Variants in DLG2 observed in about 807,000 individuals in gnomAD.
DLG2 encodes the protein disks large homolog 2.
Under a neutral mutation model 132.5 loss-of-function variants are expected in DLG2, and 45 were observed. The ratio of observed to expected loss-of-function variants is 0.34; its 90% CI spans 0.27 to 0.44. The LOEUF is 0.44. DLG2 is among the 20% of genes least tolerant of loss of function. The pLI, the probability that DLG2 is intolerant of heterozygous loss-of-function variation, is 1.00. For synonymous variants in DLG2, 424 were observed against 419.6 expected (o/e 1.01, Z -0.13); for missense variants, 1,045 against 1,196.9 (o/e 0.87, Z 1.87).
chr11:84,959,021 C>T (rs975093644), intron 6 of DLG2, among the ~76,000 whole-genome samples: 2 of 152,176 alleles, frequency 1.3e-5, no homozygotes, highest in Non-Finnish European at 2.9e-5. Flanking sequence ...TACAGGTAGG[C>T]ACCTGCTTAT....
chr11:83,708,142 A>G (rs1435540220), intron 18 of DLG2, among the ~76,000 whole-genome samples: 5 of 152,190 alleles, frequency 3.3e-5, no homozygotes, highest in Admixed American at 6.5e-5. Flanking sequence ...TATTATGATA[A>G]TTGTTGGAAA....
chr11:84,154,038 C>A (rs758854196), intron 9 of DLG2, among the ~76,000 whole-genome samples: 8 of 152,126 alleles, frequency 5.3e-5, no homozygotes, highest in Non-Finnish European at 1.2e-4. Flanking sequence ...TGCTCTGTCA[C>A]CCAGGCTGGA....
chr11:85,496,634 C>T lies in DLG2; in HGVS notation c.40+102023G>A, dbSNP rs565844399. On this transcript the variant is annotated intron_variant, in intron 3 of 27. Coordinates refer to ENST00000376104, the MANE Select transcript of DLG2 (RefSeq NM_001142699.3). ...TGCTTCCTCAAGTGGGTCCCTGATC[C>T]CCATGTAGCCTGACTGGGAGACACC... Among the ~76,000 whole-genome samples, 261 of 152,258 alleles carry T rather than the reference C, an allele frequency of 1.7e-3. 1 individual carries two copies. The highest frequency in any genetic ancestry group is 6.1e-3 in the African/African-American group (253 of 41,552).
chr11:84,952,475 C>A (rs1432675063), intron 6 of DLG2, among the ~76,000 whole-genome samples: 1 of 151,972 alleles, frequency 6.6e-6, no homozygotes, highest in Non-Finnish European at 1.5e-5. Flanking sequence ...GGAGATCGCG[C>A]CACAGCACTC....
At chr11:84,335,091 T>C (rs2098477497) in intron 7 of DLG2, among the ~76,000 whole-genome samples, 1 of 144,642 alleles carries the variant, frequency 6.9e-6, no homozygotes, top group Non-Finnish European at 1.5e-5. Context: ...CTAAGTCAAA[T>C]CCTTATATTT....
intron 16 of DLG2, among the ~76,000 whole-genome samples, chr11:83,844,718 G>A (rs1252093170): frequency 2.6e-5 from 4 of 152,176 alleles, no homozygotes; most frequent in Admixed American, 6.5e-5. Context: ...GATCTCCAGA[G>A]CTGTGAGGTC....
At chr11:84,192,301 A>C (rs1364826185) in intron 8 of DLG2, among the ~76,000 whole-genome samples, 1 of 152,232 alleles carries the variant, frequency 6.6e-6, no homozygotes, top group African/African-American at 2.4e-5. Context: ...GGGTTTGCTA[A>C]GTAACAGCGA....
intron 6 of DLG2, among the ~76,000 whole-genome samples, chr11:84,539,374 A>C (rs908038244): frequency 6.6e-5 from 10 of 152,206 alleles, no homozygotes; most frequent in African/African-American, 2.4e-4. Flanking sequence ...ACTAAGAATC[A>C]ACCCTAACAT....
Position 85,418,326 on chromosome 11 carries a change from A to G in DLG2, c.41-132961T>C, listed in dbSNP as rs367579173. Among the ~76,000 whole-genome samples, 216 of 152,058 alleles carry G rather than the reference A, an allele frequency of 1.4e-3. 1 individual carries two copies. Among genetic ancestry groups the G allele is most frequent in the African/African-American group, 5.2e-3 (216 of 41,534 alleles). On this transcript the variant is annotated intron_variant, in intron 3 of 27. Transcript: ENST00000376104. ...TGAGAGACTGTTTATTATGATTTCC[A>G]TTCTTTTGCATTTGCTTAGGAGTGT... is the stretch of plus-strand genomic sequence containing the variant.
At chr11:83,837,333 G>A (rs764508050) in intron 16 of DLG2, among the ~76,000 whole-genome samples, 1 of 152,126 alleles carries the variant, frequency 6.6e-6, no homozygotes, top group Non-Finnish European at 1.5e-5. Flanking sequence ...GTGGAGTATC[G>A]ACTAGCATCA....
intron 19 of DLG2, among the ~76,000 whole-genome samples, chr11:83,596,803 A>AT (rs1001972257): frequency 1.3e-4 from 13 of 103,494 alleles, no homozygotes; most frequent in African/African-American, 4.6e-4. Flanking sequence ...CCTGCTTATC[A>AT]TTTTTTCTTT....
At chr11:84,503,959 A>G (rs1473149374) in intron 7 of DLG2, among the ~76,000 whole-genome samples, 1 of 152,178 alleles carries the variant, frequency 6.6e-6, no homozygotes, top group Non-Finnish European at 1.5e-5. Context: ...ACTCTGATGA[A>G]TTGGAGTGTG....
chr11:84,751,390 G>C (rs937872300), intron 6 of DLG2, among the ~76,000 whole-genome samples: 2 of 152,020 alleles, frequency 1.3e-5, no homozygotes, highest in Non-Finnish European at 2.9e-5. Flanking sequence ...GCAGCAAGAA[G>C]GTGACAGTGA....
intron 8 of DLG2, among the ~76,000 whole-genome samples, chr11:84,228,585 G>A (rs1175328262): frequency 1.3e-5 from 2 of 152,170 alleles, no homozygotes; most frequent in African/African-American, 2.4e-5. Context: ...ATTCGGATGT[G>A]ATATGATACA....
At chr11:84,524,797 T>C (rs2099315023) in intron 7 of DLG2, among the ~76,000 whole-genome samples, 1 of 151,964 alleles carries the variant, frequency 6.6e-6, no homozygotes, top group Admixed American at 6.6e-5. Flanking sequence ...TATTTTCAGT[T>C]GCTGGTCAGG....
At chr11:84,050,519 T>C (rs909824442) in intron 11 of DLG2, among the ~76,000 whole-genome samples, 1 of 152,024 alleles carries the variant, frequency 6.6e-6, no homozygotes, top group African/African-American at 2.4e-5. Context: ...GCTCTTTAGT[T>C]TAATGAGATC....
In DLG2 at chr11:83,775,721, C is replaced by CTT. The variant is rs11388016; in HGVS notation, c.1825+10967_1825+10968dup. On this transcript the variant is annotated intron_variant, in intron 18 of 27. Coordinates refer to ENST00000376104, the MANE Select transcript of DLG2 (RefSeq NM_001142699.3). ...ATAAAATAAGTTCATTGTCATTATT[C>CTT]TTTTTTTTTTTTTCAATTTGGTCTA... Among the ~76,000 whole-genome samples the CTT allele has an allele frequency of 3.4e-3, 485 of 143,696 alleles. 3 individuals carry two copies. Among genetic ancestry groups the CTT allele is most frequent in the East Asian group, 0.014 (69 of 4,958 alleles). The allele number at this position is 143,696 out of a possible 152,430, so 94.3% of individuals were successfully genotyped here. A position where few individuals can be genotyped will look rare whatever the true frequency, so the allele number is the denominator to read the frequency against.
chr11:84,049,167 T>C (rs34658258), intron 11 of DLG2, among the ~76,000 whole-genome samples: 3,423 of 151,798 alleles, frequency 0.023, 70 homozygotes, highest in Middle Eastern at 0.034. Flanking sequence ...GAAATGAGTA[T>C]GATAAATAGA....
chr11:84,392,898 T>G (rs1474047344), intron 7 of DLG2, among the ~76,000 whole-genome samples: 2 of 152,204 alleles, frequency 1.3e-5, no homozygotes, highest in African/African-American at 4.8e-5. Context: ...ATGATAAACT[T>G]TTTTAACATA....
Sources: gnomAD v4.1 joint callset for allele counts (sites outside exome capture counted in the v4.1 genomes callset) on GRCh38, gnomAD v4.1.1 for gene constraint, MANE v1.5 for transcripts, NCBI Gene and HGNC (gene_info 2026-07-23, HGNC 2026-07-21) for gene names.